CTNNA3: variants seen among roughly 807,000 people sequenced by gnomAD.
CTNNA3 encodes catenin alpha 3, also known as catenin alpha-3.
Under a neutral mutation model 95.7 loss-of-function variants are expected in CTNNA3, and 76 were observed. The observed-to-expected ratio is 0.79, with a 90% CI of 0.66 to 0.96. The LOEUF (loss-of-function observed/expected upper bound fraction) is 0.96, where lower values mean the gene tolerates loss of function less well. Among genes scored for constraint, CTNNA3 ranks in the 40% least tolerant of loss-of-function variants. The pLI, the probability that CTNNA3 is intolerant of heterozygous loss-of-function variation, is 0.00. For missense variants in CTNNA3, 1,191 were observed against 1,089.8 expected, an observed-to-expected ratio of 1.09 and a Z score of -1.31; for synonymous variants, 431 against 374.4, an observed-to-expected ratio of 1.15 and a Z score of -1.74.
At chr10:67,338,439 C>A (rs1249761021) in intron 5 of CTNNA3, among the ~76,000 whole-genome samples, 1 of 152,102 alleles carries the variant, frequency 6.6e-6, no homozygotes, top group Non-Finnish European at 1.5e-5. Flanking sequence ...TCCCACCAGG[C>A]CACAGTTTCA....
At chr10:66,878,306 C>T (rs1844704818) in intron 7 of CTNNA3, among the ~76,000 whole-genome samples, 1 of 152,036 alleles carries the variant, frequency 6.6e-6, no homozygotes. Context: ...GCCTCAACCC[C>T]CACTATTTGC....
At chr10:66,647,199 C>G (rs1425141172) in intron 9 of CTNNA3, among the ~76,000 whole-genome samples, 1 of 152,102 alleles carries the variant, frequency 6.6e-6, no homozygotes, top group Non-Finnish European at 1.5e-5. Flanking sequence ...CTAAAGGGTT[C>G]ATACACTACA....
chr10:66,911,076 G>A (rs992180282), intron 7 of CTNNA3, among the ~76,000 whole-genome samples: 2 of 152,158 alleles, frequency 1.3e-5, no homozygotes, highest in Non-Finnish European at 2.9e-5. Context: ...AAAATATTAT[G>A]CTAGCCATGT....
intron 13 of CTNNA3, among the ~76,000 whole-genome samples, chr10:66,270,232 G>GT (rs933694924): frequency 2.0e-5 from 3 of 151,204 alleles, no homozygotes; most frequent in African/African-American, 7.3e-5. Context: ...TTTGGGGGGG[G>GT]GGGCAGGGTC....
chr10:67,483,054 A>C (rs1347520776), intron 5 of CTNNA3, among the ~76,000 whole-genome samples: 2 of 152,128 alleles, frequency 1.3e-5, no homozygotes, highest in East Asian at 3.9e-4. Flanking sequence ...ATGCAAATCA[A>C]AACCACAATG....
At chr10:66,279,875 A>T (rs2091463242) in intron 13 of CTNNA3, among the ~76,000 whole-genome samples, 1 of 152,042 alleles carries the variant, frequency 6.6e-6, no homozygotes, top group South Asian at 2.1e-4. Flanking sequence ...AGGGAAAACA[A>T]TCCTGGTTTC....
chr10:66,589,039 T>C (rs2132223092), intron 10 of CTNNA3, among the ~76,000 whole-genome samples: 1 of 152,180 alleles, frequency 6.6e-6, no homozygotes, highest in Non-Finnish European at 1.5e-5. Flanking sequence ...CTAGTTTTGT[T>C]TCTTAAGTAA....
At chr10:67,227,280 A>G (rs914751473) in intron 5 of CTNNA3, among the ~76,000 whole-genome samples, 1 of 151,982 alleles carries the variant, frequency 6.6e-6, no homozygotes, top group African/African-American at 2.4e-5. Flanking sequence ...TAGTAGAGCC[A>G]GGGTTTCTCC....
chr10:67,484,026 T>A (rs1308027921), intron 5 of CTNNA3, among the ~76,000 whole-genome samples: 1 of 151,980 alleles, frequency 6.6e-6, no homozygotes, highest in African/African-American at 2.4e-5. Flanking sequence ...GGCAAAACAA[T>A]CCTAAGCAAA....
chr10:66,513,653 G>T (rs993555424), intron 11 of CTNNA3, among the ~76,000 whole-genome samples: 1 of 152,162 alleles, frequency 6.6e-6, no homozygotes, highest in African/African-American at 2.4e-5. Flanking sequence ...GGCACGTTTG[G>T]GGATCAGTGT....
intron 7 of CTNNA3, among the ~76,000 whole-genome samples, chr10:67,032,447 A>T (rs2133114112): frequency 6.6e-6 from 1 of 152,266 alleles, no homozygotes; most frequent in South Asian, 2.1e-4. Flanking sequence ...GTTTTACAAA[A>T]TTTAAGAGGA....
At chr10:66,272,419 C>G (rs930887355) in intron 13 of CTNNA3, among the ~76,000 whole-genome samples, 1 of 152,094 alleles carries the variant, frequency 6.6e-6, no homozygotes, top group African/African-American at 2.4e-5. Flanking sequence ...AACAAAGTAT[C>G]AGAAAAGCAT....
intron 10 of CTNNA3, among the ~76,000 whole-genome samples, chr10:66,621,352 G>A (rs751094640): frequency 3.1e-4 from 47 of 151,938 alleles, no homozygotes; most frequent in Admixed American, 9.2e-4. Flanking sequence ...GGCTGGGCAC[G>A]GTGGCTCACG....
rs923301204 is a variant in CTNNA3, at chr10:66,825,213, G to GAT, written c.1048-49691_1048-49690dup. Among the ~76,000 whole-genome samples, 5 of 146,816 alleles carry GAT rather than the reference G, an allele frequency of 3.4e-5. No individual in the cohort carries two copies. The South Asian group carries it at 6.4e-4, about 19-fold the overall frequency. On this transcript the variant is annotated intron_variant, in intron 7 of 17. Coordinates refer to ENST00000433211, the MANE Select transcript of CTNNA3 (RefSeq NM_013266.4). ...TTTTAAAAATACATATATATTTTAAGATATATATATTTATATAAATGACAA... is the reference window on the plus strand; with the variant it reads ...TTTTAAAAATACATATATATTTTAAGATATATATATATTTATATAAATGACAA...
chr10:67,085,568 A>G (rs1379391555), intron 7 of CTNNA3, among the ~76,000 whole-genome samples: 1 of 151,968 alleles, frequency 6.6e-6, no homozygotes, highest in South Asian at 2.1e-4. Context: ...AACAAGAAGT[A>G]TTTTATTGCA....
intron 5 of CTNNA3, among the ~76,000 whole-genome samples, chr10:67,425,338 G>A (rs1845883471): frequency 6.6e-6 from 1 of 152,044 alleles, no homozygotes; most frequent in South Asian, 2.1e-4. Context: ...TGTAATAGAA[G>A]TATACACAAA....
chr10:66,366,826 CTG>C (rs1168980096), intron 12 of CTNNA3, among the ~76,000 whole-genome samples: 1 of 152,056 alleles, frequency 6.6e-6, no homozygotes, highest in African/African-American at 2.4e-5. Flanking sequence ...TTGCTTAACT[CTG>C]TATGATTAAG....
intron 7 of CTNNA3, among the ~76,000 whole-genome samples, chr10:66,895,738 G>A (rs1845454795): frequency 6.6e-6 from 1 of 151,992 alleles, no homozygotes; most frequent in Non-Finnish European, 1.5e-5. Context: ...ATTAATGGAA[G>A]TAATACACAT....
intron 2 of CTNNA3, among the ~76,000 whole-genome samples, chr10:67,640,301 T>A (rs889164345): frequency 2.0e-5 from 3 of 152,160 alleles, no homozygotes; most frequent in African/African-American, 7.2e-5. Flanking sequence ...TTACAAGGGA[T>A]GTGAAGGATC....
Sources: gnomAD v4.1 joint callset for allele counts (sites outside exome capture counted in the v4.1 genomes callset) on GRCh38, gnomAD v4.1.1 for gene constraint, MANE v1.5 for transcripts, NCBI Gene and HGNC (gene_info 2026-07-23, HGNC 2026-07-21) for gene names.